Variants in GPR141 observed in about 807,000 individuals in gnomAD.
GPR141 encodes probable G protein-coupled receptor 141.
In GPR141, 6 loss-of-function variants were observed where a neutral mutation model predicts 6.8. The observed-to-expected ratio is 0.88, with a 90% CI of 0.48 to 1.74. The LOEUF (loss-of-function observed/expected upper bound fraction) is 1.74, where lower values mean the gene tolerates loss of function less well. Among genes scored for constraint, GPR141 ranks in the 40% most tolerant of loss-of-function variants. The probability of loss-of-function intolerance (pLI) is 0.01; values close to 1 mark genes in which losing one functional copy is unlikely to be tolerated. For synonymous variants in GPR141, 140 were observed against 142.3 expected, an observed-to-expected ratio of 0.98 and a Z score of 0.11; for missense variants, 372 against 372.9, an observed-to-expected ratio of 1.00 and a Z score of 0.02.
intron 2 of GPR141, among the ~76,000 whole-genome samples, chr7:37,714,786 C>T (rs376581160): frequency 3.3e-5 from 5 of 152,270 alleles, no homozygotes; most frequent in Admixed American, 1.3e-4. Context: ...AGCACTGTTA[C>T]GCCATGGCAG....
At chr7:37,687,193 GATCA>G (rs2131721932) in intron 2 of GPR141, among the ~76,000 whole-genome samples, 1 of 152,108 alleles carries the variant, frequency 6.6e-6, no homozygotes, top group South Asian at 2.1e-4. Flanking sequence ...AATAACTTGT[GATCA>G]ATCAAATTGT....
At chr7:37,720,316 G>A (rs1402096416) in intron 2 of GPR141, among the ~76,000 whole-genome samples, 1 of 139,378 alleles carries the variant, frequency 7.2e-6, no homozygotes, top group Non-Finnish European at 1.6e-5. Flanking sequence ...GCCCATCAAT[G>A]GCTTTACATG....
intron 2 of GPR141, among the ~76,000 whole-genome samples, chr7:37,686,356 T>G (rs1405634623): frequency 2.6e-5 from 4 of 152,202 alleles, no homozygotes; most frequent in Admixed American, 2.0e-4. Flanking sequence ...ATCAAAGATT[T>G]CTGAGACATT....
intron 2 of GPR141, among the ~76,000 whole-genome samples, chr7:37,717,727 C>A (rs537006304): frequency 1.3e-5 from 2 of 152,316 alleles, no homozygotes; most frequent in South Asian, 4.1e-4. Flanking sequence ...ATTTTACCTT[C>A]ATGAATTTCT....
chr7:37,725,374 C>T (rs1811574415), intron 2 of GPR141, among the ~76,000 whole-genome samples: 1 of 151,988 alleles, frequency 6.6e-6, no homozygotes, highest in Non-Finnish European at 1.5e-5. Context: ...GAATGAGCGG[C>T]CACATCAGAG....
At chr7:37,692,261 C>T (rs938209951) in intron 2 of GPR141, among the ~76,000 whole-genome samples, 1 of 151,928 alleles carries the variant, frequency 6.6e-6, no homozygotes, top group Non-Finnish European at 1.5e-5. Flanking sequence ...GTTTTCTGTT[C>T]CTCTGTTAGT....
intron 2 of GPR141, among the ~76,000 whole-genome samples, chr7:37,690,153 G>C (rs1809690355): frequency 6.6e-6 from 1 of 151,712 alleles, no homozygotes; most frequent in South Asian, 2.1e-4. Flanking sequence ...ATGACCAATT[G>C]GTCATTCAGG....
chr7:37,699,489 A>T (rs947112850), intron 2 of GPR141, among the ~76,000 whole-genome samples: 5 of 152,224 alleles, frequency 3.3e-5, no homozygotes, highest in African/African-American at 1.2e-4. Context: ...TGAACCCAAG[A>T]GGCGGAGCTT....
At chr7:37,736,196 G>A (rs774402038) in intron 2 of GPR141, among the ~76,000 whole-genome samples, 1 of 151,940 alleles carries the variant, frequency 6.6e-6, no homozygotes, top group Non-Finnish European at 1.5e-5. Context: ...AGGTTGCAGT[G>A]AGCCAAGATC....
chr7:37,737,843 C>T (rs1384564084), intron 2 of GPR141, among the ~76,000 whole-genome samples: 5 of 152,020 alleles, frequency 3.3e-5, no homozygotes, highest in Non-Finnish European at 4.4e-5. Flanking sequence ...AGAAAGGGTT[C>T]GGGTGGATAT....
intron 2 of GPR141, among the ~76,000 whole-genome samples, chr7:37,687,075 C>G (rs1809543247): frequency 6.6e-6 from 1 of 152,074 alleles, no homozygotes; most frequent in Non-Finnish European, 1.5e-5. Flanking sequence ...GGGCACCACT[C>G]TGCTCCCTGA....
intron 2 of GPR141, among the ~76,000 whole-genome samples, chr7:37,719,918 G>T (rs931022414): frequency 1.3e-5 from 2 of 152,160 alleles, no homozygotes; most frequent in South Asian, 2.1e-4. Context: ...AGGCAAGGAT[G>T]GGGGAGCCAG....
chr7:37,688,401 C>T (rs578121761), intron 2 of GPR141, among the ~76,000 whole-genome samples: 1 of 152,150 alleles, frequency 6.6e-6, no homozygotes, highest in Admixed American at 6.5e-5. Context: ...CATTCCACTT[C>T]AACCTGGGCA....
rs180702790 is a variant in GPR141, at chr7:37,700,530, G to A, written c.-15+14947G>A. Among the ~76,000 whole-genome samples the A allele has an allele frequency of 1.0e-3, 158 of 152,238 alleles. 1 individual carries two copies. The highest frequency in any genetic ancestry group is 3.8e-3 in the African/African-American group (156 of 41,548). ...TCACTGTGAACCTCCTCTACCACAT[G>A]CTATGCCACTGATCTCAGGCAAAAG... On this transcript the variant is annotated intron_variant, in intron 2 of 2. Coordinates refer to ENST00000334425, the MANE Select transcript of GPR141 (RefSeq NM_001381946.1).
intron 2 of GPR141, among the ~76,000 whole-genome samples, chr7:37,732,194 A>C (rs1261169056): frequency 1.5e-5 from 2 of 131,472 alleles, no homozygotes; most frequent in East Asian, 4.4e-4. Flanking sequence ...CCCAGGCTGG[A>C]GTGCAGTGGC....
intron 2 of GPR141, among the ~76,000 whole-genome samples, chr7:37,731,569 G>C (rs1191736964): frequency 6.6e-6 from 1 of 151,828 alleles, no homozygotes; most frequent in African/African-American, 2.4e-5. Context: ...TCAGCCTCCC[G>C]AGTAGCTGGG....
rs1051200252 is a variant in GPR141 at position 37,740,547 on chromosome 7, A to G, written c.154A>G (p.Thr52Ala). Residue 52 changes from threonine (T) to alanine (A), a missense_variant, in exon 3 of 3, where the codon ACC becomes GCC. Physicochemically the swap from Thr to Ala is moderately conservative, Grantham distance 58. Coordinates refer to ENST00000334425, the MANE Select transcript of GPR141 (RefSeq NM_001381946.1). ...GAAAATGAACACCCGGTCAGTGACC[A>G]CCATGGCGGTCATTAACTTGGTGGT... is the stretch of plus-strand genomic sequence containing the variant. The part of the protein sequence containing the change: ...LVKMNTRSVT[T>A]MAVINLVVVH... The G allele has an allele frequency of 6.2e-7, 1 of 1,614,102 alleles. No homozygotes were observed. Among genetic ancestry groups the G allele is most frequent in the Admixed American group, 1.7e-5 (1 of 60,016 alleles).
chr7:37,713,144 C>T (rs1004812804), intron 2 of GPR141, among the ~76,000 whole-genome samples: 2 of 152,146 alleles, frequency 1.3e-5, no homozygotes, highest in Non-Finnish European at 2.9e-5. Context: ...ACATTATGCT[C>T]CTACAGTGGA....
chr7:37,740,601 C>G lies in GPR141; in HGVS notation c.208C>G (p.Pro70Ala). The G allele has an allele frequency of 6.2e-7, 1 of 1,614,020 alleles. No homozygotes were observed. Among genetic ancestry groups the G allele is most frequent in the Non-Finnish European group, 8.5e-7 (1 of 1,179,926 alleles). The change falls in exon 3 of 3, where the codon CCA (proline) becomes GCA (alanine). Residue 70 changes from proline to alanine, a missense_variant. Physicochemically the swap from Pro to Ala is conservative, Grantham distance 27. Transcript: ENST00000334425. The stretch of plus-strand genomic sequence containing the variant: ...CCACAGCGTTTTTCTGCTGACAGTG[C>G]CATTTCGCTTGACCTACCTCATCAA... ...VVHSVFLLTV[P>A]FRLTYLIKKT... is the part of the protein sequence containing the mutation.
Sources: allele counts gnomAD v4.1 joint callset (sites outside exome capture counted in the v4.1 genomes callset), GRCh38; gene constraint gnomAD v4.1.1; transcripts MANE v1.5; gene names NCBI Gene and HGNC (gene_info 2026-07-23, HGNC 2026-07-21).